TJP1: variants seen among roughly 807,000 people sequenced by gnomAD.
TJP1 encodes the protein tight junction protein 1, also known as tight junction protein ZO-1.
A neutral mutation model predicts 194.2 loss-of-function variants in TJP1; 43 were observed. That is an observed-to-expected ratio of 0.22 (90% CI 0.17 to 0.29). The LOEUF (loss-of-function observed/expected upper bound fraction) is 0.29, where lower values mean the gene tolerates loss of function less well. Ranked by LOEUF, TJP1 falls within the 10% of genes least tolerant of loss-of-function variation. The pLI, the probability that TJP1 is intolerant of heterozygous loss-of-function variation, is 1.00. For synonymous variants in TJP1, 801 were observed against 779.0 expected, an observed-to-expected ratio of 1.03 and a Z score of -0.47; for missense variants, 1,971 against 2,185.7, an observed-to-expected ratio of 0.90 and a Z score of 1.96.
chr15:29,760,445 G>A (rs1215640475), intron 8 of TJP1: 10 of 549,138 alleles, frequency 1.8e-5, no homozygotes, highest in South Asian at 1.1e-4. Context: ...GTGCGATCTC[G>A]GCTCACTGCA....
At chr15:29,879,065 A>T (rs558651521) in intron 2 of TJP1, among the ~76,000 whole-genome samples, 1 of 152,316 alleles carries the variant, frequency 6.6e-6, no homozygotes, top group East Asian at 1.9e-4. Context: ...CAGAGCTTGC[A>T]GTGAGCCAAG....
intron 2 of TJP1, among the ~76,000 whole-genome samples, chr15:29,793,897 G>A (rs2048248307): frequency 6.6e-6 from 1 of 152,124 alleles, no homozygotes; most frequent in African/African-American, 2.4e-5. Flanking sequence ...GTTGAATTTG[G>A]TTTAAGGATT....
intron 4 of TJP1, among the ~76,000 whole-genome samples, chr15:29,767,400 T>C (rs544712150): frequency 1.2e-4 from 19 of 152,306 alleles, no homozygotes; most frequent in Non-Finnish European, 2.6e-4. Flanking sequence ...CTTTTCACTA[T>C]CTTATTTCCA....
intron 2 of TJP1, among the ~76,000 whole-genome samples, chr15:29,903,923 C>CA (rs1187065928): frequency 3.3e-5 from 5 of 152,122 alleles, no homozygotes; most frequent in African/African-American, 1.2e-4. Context: ...AACCTGAAGG[C>CA]AAAATATCAT....
upstream of TJP1, among the ~76,000 whole-genome samples, chr15:29,827,174 T>G (rs753730309): frequency 1.3e-5 from 2 of 152,230 alleles, no homozygotes; most frequent in Non-Finnish European, 2.9e-5. Flanking sequence ...GGTGAGCCTT[T>G]GGCCCAGCCC....
At chr15:29,716,270 TA>T (rs1250231420) in intron 23 of TJP1, among the ~76,000 whole-genome samples, 5 of 152,102 alleles carry the variant, frequency 3.3e-5, no homozygotes, top group African/African-American at 1.2e-4. Flanking sequence ...ATTTAAAAAA[TA>T]AAAACAGAAA....
At chr15:29,773,156 G>A (rs2046799147) in intron 3 of TJP1, 77 bp downstream of exon 3, 5 of 1,553,212 alleles carry the variant, frequency 3.2e-6, no homozygotes, top group Admixed American at 1.7e-5. Context: ...CACTAAGACA[G>A]TGTAAGACAG....
At chr15:29,914,918 CAACT>C (rs1429012159) in intron 2 of TJP1, among the ~76,000 whole-genome samples, 9 of 152,044 alleles carry the variant, frequency 5.9e-5, no homozygotes, top group Admixed American at 5.9e-4. Flanking sequence ...ACACACTCAC[CAACT>C]GAGGTCTGTG....
intron 2 of TJP1, among the ~76,000 whole-genome samples, chr15:29,916,353 A>T (rs2054186868): frequency 6.6e-6 from 1 of 152,080 alleles, no homozygotes; most frequent in African/African-American, 2.4e-5. Flanking sequence ...GCCCTATGAA[A>T]TGCTCTGGGT....
chr15:29,806,357 C>T lies in TJP1; in HGVS notation c.28-5655G>A, dbSNP rs1522800. Among the ~76,000 whole-genome samples, 644 of 152,292 alleles carry T rather than the reference C, an allele frequency of 4.2e-3. 30 individuals carry two copies. The East Asian group carries it at 0.1, about 24-fold the overall frequency. ...AACACTACTTACTGTCCAGAGAATA[C>T]ACCAAAGCTTAAGATCCCTCAATTT... On this transcript the variant is annotated intron_variant, in intron 1 of 27. Coordinates refer to ENST00000614355, the MANE Select transcript of TJP1 (RefSeq NM_001330239.4).
rs2041453618 is a variant in TJP1 at position 29,700,157 on chromosome 15, T to A, written c.*1438A>T. ...CAAACAGACCAAGCCAGCACTTTAT[T>A]TTAAAAAGTTTTATTTTGGAGATTT... On this transcript the variant is annotated 3_prime_UTR_variant, in exon 28 of 28. Transcript: ENST00000614355. 1 of 398,152 alleles carries A rather than the reference T, an allele frequency of 2.5e-6. No homozygotes were observed. The highest frequency in any genetic ancestry group is 2.1e-5 in the African/African-American group (1 of 48,628). The allele number at this position is 398,152 out of a possible 1,614,324, so 24.7% of individuals were successfully genotyped here.
chr15:29,818,416 C>T (rs922417465), intron 1 of TJP1, among the ~76,000 whole-genome samples: 1 of 151,878 alleles, frequency 6.6e-6, no homozygotes, highest in African/African-American at 2.4e-5. Context: ...TGTTTTTCAA[C>T]TTTCTAATAA....
chr15:29,759,128 TCTTA>T (rs964878684), intron 8 of TJP1: 6 of 152,208 alleles, frequency 3.9e-5, no homozygotes, highest in Non-Finnish European at 7.3e-5. Context: ...GCCTCCCTTT[TCTTA>T]CTTCTCCCTC....
intron 2 of TJP1, among the ~76,000 whole-genome samples, chr15:29,884,083 C>A (rs936550366): frequency 6.6e-6 from 1 of 152,216 alleles, no homozygotes; most frequent in Middle Eastern, 3.2e-3. Context: ...TCTCCTTTAA[C>A]AAAATTTGAA....
At chr15:29,818,242 G>A (rs1040918775) in intron 1 of TJP1, among the ~76,000 whole-genome samples, 3 of 152,060 alleles carry the variant, frequency 2.0e-5, no homozygotes, top group African/African-American at 7.2e-5. Context: ...AAATTTTATT[G>A]CTTCCTCCAA....
At position 29,732,827 on chromosome 15, in the gene TJP1, A is replaced by G; in HGVS notation, c.1737-12T>C. ...CTAGCTGCTCAGCTCTACACAAGAA[A>G]GGAGAAAATTAAAATAAGGGCATTT... On this transcript the variant is annotated splice_polypyrimidine_tract_variant and intron_variant, in intron 13 of 27. Transcript: ENST00000614355. The G allele has an allele frequency of 6.4e-7, 1 of 1,561,362 alleles. No homozygotes were observed. Among genetic ancestry groups the G allele is most frequent in the Non-Finnish European group, 8.6e-7 (1 of 1,159,754 alleles).
Position 29,726,847 on chromosome 15 carries a change from T to G in TJP1, c.2245A>C (p.Lys749Gln). The change falls in exon 17 of 28, where the codon AAA (lysine) becomes CAA (glutamine). Residue 749 changes from lysine (K) to glutamine (Q), a missense_variant. Around this residue, in one of 5 missense-constraint regions of TJP1, gnomAD observed 402 missense variants for 484.2 expected, o/e 0.83. Transcript: ENST00000614355. ...MRMRLCPESRKSARKLYERSH... is the reference protein window; with the variant it reads ...MRMRLCPESRQSARKLYERSH... ...CGCTCGTATAACTTCCTGGCACTTT[T>G]CCGAGATTCTGGACATAACCTCATT... The G allele has an allele frequency of 1.2e-6, 2 of 1,614,190 alleles. No individual in the cohort carries two copies. The highest frequency in any genetic ancestry group is 2.2e-5 in the South Asian group (2 of 91,086).
At chr15:29,720,746 T>C (rs1037432364) in intron 18 of TJP1, 38 bp from the exon 19 acceptor site, 2 of 1,500,970 alleles carry the variant, frequency 1.3e-6, no homozygotes, top group Non-Finnish European at 1.8e-6. Context: ...TTTTATTCAG[T>C]AGTTCTTTAA....
intron 2 of TJP1, among the ~76,000 whole-genome samples, chr15:29,883,975 G>A (rs1214863161): frequency 2.6e-5 from 4 of 152,120 alleles, no homozygotes; most frequent in African/African-American, 9.7e-5. Flanking sequence ...GACAAGTATG[G>A]GAATTCTTAG....
Sources: allele counts gnomAD v4.1 joint callset (sites outside exome capture counted in the v4.1 genomes callset), GRCh38; gene constraint gnomAD v4.1.1; regional missense constraint gnomAD v4.1.1; transcripts MANE v1.5; gene names NCBI Gene and HGNC (gene_info 2026-07-23, HGNC 2026-07-21).